Variants in LIPA observed in about 807,000 individuals in gnomAD.
LIPA encodes lysosomal acid lipase/cholesteryl ester hydrolase.
A neutral mutation model predicts 40.6 loss-of-function variants in LIPA; 26 were observed. That is an observed-to-expected ratio of 0.64 (90% CI 0.47 to 0.89). The LOEUF (loss-of-function observed/expected upper bound fraction) is 0.89. Among genes scored for constraint, LIPA ranks in the 40% least tolerant of loss-of-function variants. The pLI is 0.00. For synonymous variants in LIPA, 188 were observed against 168.4 expected (o/e 1.12, Z -0.90); for missense variants, 455 against 479.6 (o/e 0.95, Z 0.48).
intron 8 of LIPA, among the ~76,000 whole-genome samples, chr10:89,220,646 A>G (rs1842686510): frequency 6.6e-6 from 1 of 152,162 alleles, no homozygotes; most frequent in Non-Finnish European, 1.5e-5. Context: ...CCCCTGAGGA[A>G]CTGACATTTA....
chr10:89,215,048 G>A lies in LIPA; in HGVS notation c.980C>T (p.Thr327Ile), dbSNP rs1457043449. 4 of 1,611,904 alleles carry A rather than the reference G, an allele frequency of 2.5e-6. No homozygotes were observed. In the East Asian group the frequency reaches 6.7e-5, roughly 27 times the overall value. Residue 327 changes from threonine to isoleucine, a missense_variant, in exon 10 of 10, where the codon ACA becomes ATA. By Grantham distance (89) the Thr-to-Ile change is moderately conservative. Coordinates refer to ENST00000336233, the MANE Select transcript of LIPA (RefSeq NM_000235.4). Reference sequence around the variant, plus strand: ...CACAAGCATGTCCTTCACATTGTATGTGGGAGGATAACTCTACAATGAAAA... The same window carrying A: ...CACAAGCATGTCCTTCACATTGTATATGGGAGGATAACTCTACAATGAAAA... ...YFHYNQSYPP[T>I]YNVKDMLVPT...
chr10:89,305,990 A>C (rs753251237), intron 1 of LIPA: 7 of 1,613,132 alleles, frequency 4.3e-6, no homozygotes, highest in Non-Finnish European at 5.1e-6. Context: ...CTTGGAGAGC[A>C]GCCTACGGCA....
intron 2 of LIPA, among the ~76,000 whole-genome samples, chr10:89,399,247 G>A (rs945841344): frequency 2.6e-5 from 4 of 152,038 alleles, no homozygotes; most frequent in Admixed American, 6.6e-5. Context: ...GAGTTGTAGA[G>A]GTTCTTTATC....
chr10:89,222,301 A>T (rs1481423969), intron 8 of LIPA, among the ~76,000 whole-genome samples: 1 of 152,212 alleles, frequency 6.6e-6, no homozygotes, highest in Non-Finnish European at 1.5e-5. Flanking sequence ...CAACCCCAGT[A>T]GCTGTTTGTG....
At chr10:89,218,513 T>C (rs6586174) in intron 8 of LIPA, among the ~76,000 whole-genome samples, 129,307 of 152,250 alleles carry the variant, frequency 0.85, 55,416 homozygotes, top group East Asian at 0.97. Flanking sequence ...TTTCCCTAAG[T>C]ACATGGCTGC....
rs546780710 is a variant in LIPA, at chr10:89,229,110, T to G, written c.230-712A>C. On this transcript the variant is annotated intron_variant, in intron 3 of 9. Transcript: ENST00000336233. ...CCAAAATTTAGAAGCAACCAAGATG[T>G]GCTCCAGTAAATGAATGCATAACTA... Among the ~76,000 whole-genome samples, 10 of 152,354 alleles carry G rather than the reference T, an allele frequency of 6.6e-5. No homozygotes were observed. In the East Asian group the frequency reaches 1.9e-3, roughly 29 times the overall value.
At chr10:89,392,642 A>G (rs1302527074) in intron 2 of LIPA, 2 of 1,563,922 alleles carry the variant, frequency 1.3e-6, no homozygotes, top group Admixed American at 3.3e-5. Flanking sequence ...TCCACAAGAC[A>G]GAATAGCCAG....
chr10:89,374,075 ACAACCTTG>A (rs1844107299), intron 2 of LIPA, among the ~76,000 whole-genome samples: 1 of 152,234 alleles, frequency 6.6e-6, no homozygotes. Flanking sequence ...AAGGAATTTT[ACAACCTTG>A]CAGCCCAAGG....
chr10:89,275,540 A>G lies in LIPA; in HGVS notation c.-1-27891T>C, dbSNP rs559624351. Among the ~76,000 whole-genome samples the G allele has an allele frequency of 7.6e-4, 116 of 152,322 alleles. 2 individuals are homozygous for G. The South Asian group carries it at 0.02, about 26-fold the overall frequency. Reference sequence around the variant, plus strand: ...TGTACTTGAAGCTTCAGTACCAGACATGAAATCAAGAGCCTTACAGAACCG... The same window carrying G: ...TGTACTTGAAGCTTCAGTACCAGACGTGAAATCAAGAGCCTTACAGAACCG... On this transcript the variant is annotated intron_variant, in intron 1 of 5. Transcript: ENST00000282673.
intron 1 of LIPA, among the ~76,000 whole-genome samples, chr10:89,297,912 C>G (rs1266135682): frequency 2.0e-5 from 3 of 152,226 alleles, no homozygotes; most frequent in Non-Finnish European, 4.4e-5. Context: ...GACGCATGGC[C>G]TCTGTGCCTA....
intron 1 of LIPA, among the ~76,000 whole-genome samples, chr10:89,322,786 C>A (rs80270721): frequency 0.039 from 5,964 of 152,262 alleles, 384 homozygotes; most frequent in African/African-American, 0.13. Context: ...CAGCTTCCAG[C>A]CTACTGGTCC....
chr10:89,322,438 G>A (rs191770514), intron 1 of LIPA, among the ~76,000 whole-genome samples: 177 of 151,054 alleles, frequency 1.2e-3, no homozygotes, highest in South Asian at 3.5e-3. Context: ...CGGGCTCAGC[G>A]TGGATCCAGG....
intron 2 of LIPA, among the ~76,000 whole-genome samples, chr10:89,409,914 C>G (rs1841456836): frequency 6.6e-6 from 1 of 152,164 alleles, no homozygotes; most frequent in South Asian, 2.1e-4. Context: ...ATTTGTTGTC[C>G]CCTACTTGAG....
At chr10:89,259,241 A>C (rs990433688) in intron 1 of LIPA, among the ~76,000 whole-genome samples, 2 of 152,242 alleles carry the variant, frequency 1.3e-5, no homozygotes, top group Admixed American at 6.5e-5. Context: ...GCTCCTTAAA[A>C]ACTAAAAACC....
At chr10:89,263,111 T>C (rs1843219321) in intron 1 of LIPA, among the ~76,000 whole-genome samples, 1 of 152,222 alleles carries the variant, frequency 6.6e-6, no homozygotes, top group Non-Finnish European at 1.5e-5. Flanking sequence ...CAGGGCCAGT[T>C]TGGCTTTGAC....
intron 2 of LIPA, among the ~76,000 whole-genome samples, chr10:89,410,930 G>C (rs1841464821): frequency 6.6e-6 from 1 of 152,252 alleles, no homozygotes; most frequent in Non-Finnish European, 1.5e-5. Context: ...GAGAGAGACA[G>C]AGAGAGGAAG....
intron 1 of LIPA, chr10:89,307,588 TC>T: frequency 2.1e-6 from 1 of 471,698 alleles, no homozygotes; most frequent in South Asian, 3.8e-5. Context: ...GGGGGGTAGG[TC>T]CACGGGCTTG....
At chr10:89,293,377 C>G (rs369219935) in intron 1 of LIPA, among the ~76,000 whole-genome samples, 2 of 152,162 alleles carry the variant, frequency 1.3e-5, no homozygotes, top group South Asian at 4.1e-4. Flanking sequence ...TATTACTTAA[C>G]AGCAGCAGCC....
At chr10:89,354,766 C>T (rs187430758) in intron 2 of LIPA, among the ~76,000 whole-genome samples, 2 of 152,320 alleles carry the variant, frequency 1.3e-5, no homozygotes, top group African/African-American at 2.4e-5. Flanking sequence ...TGGGGTTTCA[C>T]CGTCTTGGCC....
Sources: gnomAD v4.1 joint callset for allele counts (sites outside exome capture counted in the v4.1 genomes callset) on GRCh38, gnomAD v4.1.1 for gene constraint, MANE v1.5 for transcripts, NCBI Gene and HGNC (gene_info 2026-07-23, HGNC 2026-07-21) for gene names.